The following ANKRD22 variants were observed in gnomAD, a reference collection of about 807,000 sequenced individuals.
The protein encoded by ANKRD22 is ankyrin repeat domain-containing protein 22.
A neutral mutation model predicts 25.7 loss-of-function variants in ANKRD22; 24 were observed. The ratio of observed to expected loss-of-function variants is 0.93; its 90% CI spans 0.68 to 1.31. The LOEUF (loss-of-function observed/expected upper bound fraction) is 1.31. ANKRD22 is among the 50% of genes most tolerant of loss of function. ANKRD22 has a pLI of 0.00. For missense variants in ANKRD22, 214 were observed against 227.1 expected (o/e 0.94, Z 0.37); for synonymous variants, 84 against 84.3 (o/e 1.00, Z 0.02).
In ANKRD22 at chr10:88,822,855, A is replaced by T; in HGVS notation, c.*86T>A. 3.2e-6 allele frequency: 4 copies of T among 1,239,324 alleles called. No homozygotes were observed. The highest frequency in any genetic ancestry group is 4.7e-6 in the Non-Finnish European group (4 of 859,064). 76.8% of individuals were successfully genotyped at this position (1,239,324 alleles called of 1,614,324 possible). On this transcript the variant is annotated 3_prime_UTR_variant, in exon 6 of 6. Coordinates refer to ENST00000371930, the MANE Select transcript of ANKRD22 (RefSeq NM_144590.3). ...CCCATAAAATGGTGGCATCCAGGTT[A>T]AATGGCCCACAGACCAAAAGTCTAA...
intron 2 of ANKRD22, among the ~76,000 whole-genome samples, chr10:88,829,007 G>T (rs945776796): frequency 3.9e-5 from 6 of 152,176 alleles, no homozygotes; most frequent in African/African-American, 1.2e-4. Context: ...TATGAAAATT[G>T]ATAGTTATCC....
At chr10:88,826,547 C>T (rs538656720) in intron 3 of ANKRD22, among the ~76,000 whole-genome samples, 1 of 152,362 alleles carries the variant, frequency 6.6e-6, no homozygotes, top group African/African-American at 2.4e-5. Flanking sequence ...TCTCACTCTG[C>T]GCCTCCTGGC....
At chr10:88,845,785 A>G (rs1399880522) in intron 1 of ANKRD22, among the ~76,000 whole-genome samples, 1 of 152,092 alleles carries the variant, frequency 6.6e-6, no homozygotes, top group Non-Finnish European at 1.5e-5. Context: ...CATCTCTCAA[A>G]TTTATTCTCC....
chr10:88,825,431 G>T (rs1300794329), intron 4 of ANKRD22, among the ~76,000 whole-genome samples: 1 of 152,212 alleles, frequency 6.6e-6, no homozygotes, highest in Admixed American at 6.5e-5. Context: ...TGTTATCACT[G>T]CTCTTACCAT....
chr10:88,849,006 A>ATGTGTGTG lies in ANKRD22; in HGVS notation c.21+2573_21+2580dup, dbSNP rs113459404. 6.3e-3 allele frequency among the ~76,000 whole-genome samples: 945 copies of ATGTGTGTG among 149,228 alleles called. 12 individuals are homozygous for ATGTGTGTG. The highest frequency in any genetic ancestry group is 0.041 in the South Asian group (193 of 4,706). On this transcript the variant is annotated intron_variant, in intron 1 of 5. Coordinates refer to ENST00000371930, the MANE Select transcript of ANKRD22 (RefSeq NM_144590.3). ...TTTAAGTTTGTGTGTGTGCATGTGC[A>ATGTGTGTG]TGTGTGTGTGTGTGTGTGTGTGGGT...
chr10:88,823,059 C>T (rs770915246), intron 5 of ANKRD22, 41 bp from the exon 6 acceptor site: 4 of 1,580,876 alleles, frequency 2.5e-6, no homozygotes, highest in East Asian at 2.2e-5. Flanking sequence ...AATAGAGTGC[C>T]CAAGATCTCG....
At chr10:88,823,864 T>C (rs1026069856) in intron 4 of ANKRD22, among the ~76,000 whole-genome samples, 2 of 149,584 alleles carry the variant, frequency 1.3e-5, no homozygotes, top group Admixed American at 1.3e-4. Flanking sequence ...TCTGTCTCAA[T>C]GTATATGTAT....
At chr10:88,846,983 A>G (rs1190980281) in intron 1 of ANKRD22, among the ~76,000 whole-genome samples, 1 of 152,074 alleles carries the variant, frequency 6.6e-6, no homozygotes, top group Non-Finnish European at 1.5e-5. Flanking sequence ...TTTTTCTTAA[A>G]TTTATGCCAA....
At position 88,820,260 on chromosome 10, in the gene ANKRD22, A is replaced by C; in HGVS notation, c.*2681T>G. On this transcript the variant is annotated 3_prime_UTR_variant, in exon 6 of 6. Coordinates refer to ENST00000371930, the MANE Select transcript of ANKRD22 (RefSeq NM_144590.3). ...ACTCCTGTAAGGTACAGAGTCAGAG[A>C]TATGACGGTCCCTACAGCAATGTGG... is the stretch of plus-strand genomic sequence containing the variant. 4.5e-6 allele frequency: 7 copies of C among 1,551,730 alleles called. No homozygotes were observed. The highest frequency in any genetic ancestry group is 5.2e-6 in the Non-Finnish European group (6 of 1,147,018).
intron 2 of ANKRD22, 25 bp from the exon 3 acceptor site, chr10:88,828,691 T>G (rs767259485): frequency 6.7e-7 from 1 of 1,500,492 alleles, no homozygotes. Context: ...AAGGATTCTT[T>G]ACTAATAAAG....
intron 1 of ANKRD22, among the ~76,000 whole-genome samples, chr10:88,844,861 C>T (rs1444897533): frequency 6.6e-6 from 1 of 151,962 alleles, no homozygotes. Flanking sequence ...CTTATTTTTC[C>T]CCTTAGAAAA....
intron 1 of ANKRD22, among the ~76,000 whole-genome samples, chr10:88,841,275 C>A (rs1844001725): frequency 6.6e-6 from 1 of 151,916 alleles, no homozygotes; most frequent in South Asian, 2.1e-4. Context: ...CCTGATATTC[C>A]CCTACTACCT....
intron 2 of ANKRD22, among the ~76,000 whole-genome samples, chr10:88,830,249 A>G (rs1361441187): frequency 6.6e-6 from 1 of 152,246 alleles, no homozygotes; most frequent in Non-Finnish European, 1.5e-5. Flanking sequence ...GCGCTATCAA[A>G]TTGTGTTCTA....
intron 1 of ANKRD22, among the ~76,000 whole-genome samples, chr10:88,834,954 A>G (rs552871016): frequency 6.6e-6 from 1 of 152,238 alleles, no homozygotes; most frequent in Non-Finnish European, 1.5e-5. Context: ...AAGAAAGAAA[A>G]AAAAGAGAAA....
intron 3 of ANKRD22, 82 bp from the exon 4 acceptor site, chr10:88,826,197 C>T (rs1349788655): frequency 8.2e-7 from 1 of 1,212,724 alleles, no homozygotes; most frequent in African/African-American, 1.5e-5. Flanking sequence ...AATCAATAGG[C>T]TTCATTTTAA....
At chr10:88,828,516 C>G (rs3814692) in intron 3 of ANKRD22, 43 bp downstream of exon 3, 1 of 1,390,698 alleles carries the variant, frequency 7.2e-7, no homozygotes, top group Non-Finnish European at 1.0e-6. Flanking sequence ...GTCACACCAT[C>G]GATCTCCACA....
Position 88,845,964 on chromosome 10 carries a change from C to T in ANKRD22, c.21+5623G>A, listed in dbSNP as rs191448844. Among the ~76,000 whole-genome samples, 506 of 152,266 alleles carry T rather than the reference C, an allele frequency of 3.3e-3. 1 individual carries two copies. The highest frequency in any genetic ancestry group is 6.6e-3 in the South Asian group (32 of 4,822). The stretch of plus-strand genomic sequence containing the variant: ...AAGTCTTTACAGTGTTAACCACCAT[C>T]GTCATTATTGCTATTATCACAATCA... On this transcript the variant is annotated intron_variant, in intron 1 of 5. Coordinates refer to ENST00000371930, the MANE Select transcript of ANKRD22 (RefSeq NM_144590.3).
intron 4 of ANKRD22, 53 bp downstream of exon 4, chr10:88,825,985 C>A (rs1843852041): frequency 6.9e-7 from 1 of 1,444,622 alleles, no homozygotes; most frequent in Non-Finnish European, 9.6e-7. Context: ...AATACGCTAC[C>A]TACAAATACC....
At chr10:88,823,965 T>A (rs1843829924) in intron 4 of ANKRD22, among the ~76,000 whole-genome samples, 1 of 152,360 alleles carries the variant, frequency 6.6e-6, no homozygotes, top group East Asian at 1.9e-4. Flanking sequence ...TGCTGAATTG[T>A]GCCAAAGTTT....
Sources: gnomAD v4.1 joint callset for allele counts (sites outside exome capture counted in the v4.1 genomes callset) on GRCh38, gnomAD v4.1.1 for gene constraint, MANE v1.5 for transcripts, NCBI Gene and HGNC (gene_info 2026-07-23, HGNC 2026-07-21) for gene names.